NUBP1: variants seen among roughly 807,000 people sequenced by gnomAD.
NUBP1 encodes the protein cytosolic Fe-S cluster assembly factor NUBP1.
In NUBP1, 46 loss-of-function variants were observed where a neutral mutation model predicts 41.8. That is an observed-to-expected ratio of 1.10 (90% CI 0.87 to 1.41). The LOEUF is 1.41. Ranked by LOEUF, NUBP1 falls within the 40% of genes most tolerant of loss-of-function variation. The pLI is 0.00. For missense variants in NUBP1, 494 were observed against 414.0 expected, an observed-to-expected ratio of 1.19 and a Z score of -1.68; for synonymous variants, 189 against 154.6, an observed-to-expected ratio of 1.22 and a Z score of -1.65.
chr16:10,755,721 G>T lies in NUBP1; in HGVS notation c.328G>T (p.Val110Phe), dbSNP rs1323769682. The T allele has an allele frequency of 1.9e-6, 3 of 1,614,160 alleles. No individual in the cohort carries two copies. The highest frequency in any genetic ancestry group is 1.1e-5 in the South Asian group (1 of 91,090). ...AACATCGGTGCTCATGTTCACACAG[G>T]TTCACCAGAGTGGCTCAGGCTGGTC... is the stretch of plus-strand genomic sequence containing the variant. ...PKIMGLEGEQ[V>F]HQSGSGWSPV... The change falls in exon 5 of 11, where the codon GTT becomes TTT. Residue 110 changes from valine (V) to phenylalanine (F), a missense_variant and splice_region_variant. By Grantham distance (50) the Val-to-Phe change is conservative. Transcript: ENST00000283027.
At chr16:10,761,945 G>C (rs2029981199) in intron 9 of NUBP1, 86 bp downstream of exon 9, 2 of 1,033,436 alleles carry the variant, frequency 1.9e-6, no homozygotes, top group Non-Finnish European at 2.9e-6. Flanking sequence ...CGGCTACAGA[G>C]AGGGGCAATG....
chr16:10,744,415 G>C (rs1899967913), intron 2 of NUBP1, among the ~76,000 whole-genome samples: 1 of 152,228 alleles, frequency 6.6e-6, no homozygotes, highest in South Asian at 2.1e-4. Context: ...AACGGGATAA[G>C]CTTCGAAGTC....
chr16:10,765,297 C>A lies in NUBP1; in HGVS notation c.821-2652C>A, dbSNP rs1596475881. Reference sequence around the variant, plus strand: ...CACACACACACAACCATGCTCTAGCCTGGGTAACACAGGAAGATACCTCAT... The same window carrying A: ...CACACACACACAACCATGCTCTAGCATGGGTAACACAGGAAGATACCTCAT... On this transcript the variant is annotated intron_variant, in intron 9 of 10. Coordinates refer to ENST00000283027, the MANE Select transcript of NUBP1 (RefSeq NM_002484.4). This position sits in a 1 kb window ranked among gnomAD's most constrained non-coding sequence, Gnocchi z 4.0. Among the ~76,000 whole-genome samples the A allele has an allele frequency of 6.9e-6, 1 of 144,972 alleles. No individual in the cohort carries two copies. The highest frequency in any genetic ancestry group is 2.0e-4 in the East Asian group (1 of 4,962).
intron 2 of NUBP1, among the ~76,000 whole-genome samples, chr16:10,745,502 A>G (rs556493185): frequency 2.6e-5 from 4 of 152,316 alleles, no homozygotes; most frequent in Non-Finnish European, 4.4e-5. Flanking sequence ...TGTCAATGCA[A>G]TGGAGAGACT....
At position 10,744,019 on chromosome 16, in the gene NUBP1, C is replaced by G. The variant is rs1365780235; in HGVS notation, c.78C>G (p.Pro26=). 2 of 1,579,072 alleles carry G rather than the reference C, an allele frequency of 1.3e-6. No individual in the cohort carries two copies. Among genetic ancestry groups the G allele is most frequent in the Non-Finnish European group, 8.6e-7 (1 of 1,168,474 alleles). Residue 26 remains proline, a synonymous_variant, in exon 2 of 11, where the codon CCC becomes CCG. Coordinates refer to ENST00000283027, the MANE Select transcript of NUBP1 (RefSeq NM_002484.4). ...GAGGGGCTTCATGTCAGGGATGCCC[C>G]AACCAGCGGCTGTGCGCTTCTGGAG... ...AGRGASCQGC[P]NQRLCASGAG... is the part of the protein sequence containing the mutation.
intron 9 of NUBP1, among the ~76,000 whole-genome samples, chr16:10,764,401 G>A (rs1010724362): frequency 3.3e-5 from 5 of 152,022 alleles, no homozygotes; most frequent in Non-Finnish European, 7.4e-5. Context: ...CAGTCTGCTG[G>A]AGTATTTGTC....
chr16:10,762,484 G>A (rs1172133284), intron 9 of NUBP1, among the ~76,000 whole-genome samples: 3 of 152,242 alleles, frequency 2.0e-5, no homozygotes, highest in African/African-American at 4.8e-5. Context: ...CACTCGCCGC[G>A]GGGCGCTGGG....
chr16:10,764,071 G>A (rs1189925337), intron 9 of NUBP1, among the ~76,000 whole-genome samples: 2 of 151,486 alleles, frequency 1.3e-5, no homozygotes, highest in Admixed American at 1.3e-4. Flanking sequence ...TCAGCCCACT[G>A]GAGCATCCCA....
chr16:10,755,191 TA>T (rs1163393678), intron 4 of NUBP1, among the ~76,000 whole-genome samples: 2 of 152,182 alleles, frequency 1.3e-5, no homozygotes, highest in Non-Finnish European at 2.9e-5. Flanking sequence ...TCAAGAAAAT[TA>T]AACTTTCAGT....
At chr16:10,760,996 G>A (rs1020910395) in intron 7 of NUBP1, 1 of 195,760 alleles carries the variant, frequency 5.1e-6, no homozygotes. Context: ...CATGGTGGAA[G>A]GCAAAGCAGG....
chr16:10,751,594 G>C (rs1289990317), intron 3 of NUBP1, among the ~76,000 whole-genome samples: 2 of 152,180 alleles, frequency 1.3e-5, no homozygotes, highest in East Asian at 1.9e-4. Context: ...AGTCATTGCA[G>C]CTTTCAAGAT....
Position 10,767,140 on chromosome 16 carries a change from G to T in NUBP1, c.821-809G>T. 2.5e-6 allele frequency: 1 copy of T among 398,854 alleles called. No homozygotes were observed. 24.7% of individuals were successfully genotyped at this position (398,854 alleles called of 1,614,324 possible). A position where few individuals can be genotyped will look rare whatever the true frequency, so the allele number is the denominator to read the frequency against. On this transcript the variant is annotated intron_variant, in intron 9 of 10. Transcript: ENST00000283027. This position sits in a 1 kb window ranked among gnomAD's most constrained non-coding sequence, Gnocchi z 4.6. ...GGCAGTGCAGTCACTTGCCTGTTTCGCCAGCAGCTCAGGCCTGGGGAGTGG... is the reference window on the plus strand; with the variant it reads ...GGCAGTGCAGTCACTTGCCTGTTTCTCCAGCAGCTCAGGCCTGGGGAGTGG...
At chr16:10,763,896 A>G in intron 9 of NUBP1, 1 of 174,390 alleles carries the variant, frequency 5.7e-6, no homozygotes, top group Non-Finnish European at 1.2e-5. Context: ...CCAAGGGAGC[A>G]TCCCAGCCCT....
Position 10,768,886 on chromosome 16 carries a change from G to C in NUBP1, c.905-161G>C. On this transcript the variant is annotated intron_variant, in intron 10 of 10. Coordinates refer to ENST00000283027, the MANE Select transcript of NUBP1 (RefSeq NM_002484.4). This position sits in a 1 kb window ranked among gnomAD's most constrained non-coding sequence, Gnocchi z 4.3. ...CAAGATGGGTAGTGTGAGGTATTCC[G>C]GTCACTTTCAAAGACTCAGGGCATC... 1 of 620,000 alleles carries C rather than the reference G, an allele frequency of 1.6e-6. No individual in the cohort carries two copies. Among genetic ancestry groups the C allele is most frequent in the Non-Finnish European group, 2.9e-6 (1 of 347,014 alleles). The allele number at this position is 620,000 out of a possible 1,614,324, so 38.4% of individuals were successfully genotyped here.
At chr16:10,761,320 C>G in intron 7 of NUBP1, 44 bp from the exon 8 acceptor site, 1 of 1,574,282 alleles carries the variant, frequency 6.4e-7, no homozygotes, top group Non-Finnish European at 8.7e-7. Flanking sequence ...CATTCCCTTT[C>G]TCGCACTTTG....
chr16:10,767,275 C>T lies in NUBP1; in HGVS notation c.821-674C>T. 2.5e-6 allele frequency: 1 copy of T among 399,052 alleles called. No homozygotes were observed. The allele number at this position is 399,052 out of a possible 1,614,324, so 24.7% of individuals were successfully genotyped here. ...CCCCTTGTGTCCTGTCCACCTGGCT[C>T]TGGGATAACATGGTCCTAGAGAAAC... On this transcript the variant is annotated intron_variant, in intron 9 of 10. Transcript: ENST00000283027. The surrounding 1 kb of genome is among the most constrained non-coding windows in gnomAD (Gnocchi z 4.6).
In NUBP1 at chr16:10,749,849, A is replaced by G. The variant is rs1900234554; in HGVS notation, c.258+2573A>G. On this transcript the variant is annotated intron_variant, in intron 3 of 10. Transcript: ENST00000283027. The surrounding 1 kb of genome is among the most constrained non-coding windows in gnomAD (Gnocchi z 4.1). ...CCTTGGATCAAGAGAGAGCAGAATT[A>G]GAAAACACCCCTGACGAGTCACAGG... Among the ~76,000 whole-genome samples, 1 of 152,232 alleles carries G rather than the reference A, an allele frequency of 6.6e-6. No individual in the cohort carries two copies. Among genetic ancestry groups the G allele is most frequent in the African/African-American group, 2.4e-5 (1 of 41,460 alleles).
Position 10,757,817 on chromosome 16 carries a change from T to G in NUBP1, c.452-56T>G. On this transcript the variant is annotated intron_variant, in intron 6 of 10. Coordinates refer to ENST00000283027, the MANE Select transcript of NUBP1 (RefSeq NM_002484.4). The surrounding 1 kb of genome is among the most constrained non-coding windows in gnomAD (Gnocchi z 4.1). Reference sequence around the variant, plus strand: ...ATCCTTTAAAAAAAAAAGAGGGAGTTGAAAGTACAGAAAAGAAAGGAAAAG... The same window carrying G: ...ATCCTTTAAAAAAAAAAGAGGGAGTGGAAAGTACAGAAAAGAAAGGAAAAG... The G allele has an allele frequency of 3.8e-6, 6 of 1,570,830 alleles. No homozygotes were observed. The highest frequency in any genetic ancestry group is 1.7e-4 in the Middle Eastern group (1 of 5,868).
In NUBP1 at chr16:10,766,484, T is replaced by C. The variant is rs570414220; in HGVS notation, c.821-1465T>C. Among the ~76,000 whole-genome samples the C allele has an allele frequency of 3.4e-3, 520 of 152,138 alleles. 1 individual carries two copies. Among genetic ancestry groups the C allele is most frequent in the Non-Finnish European group, 5.8e-3 (397 of 67,986 alleles). On this transcript the variant is annotated intron_variant, in intron 9 of 10. Coordinates refer to ENST00000283027, the MANE Select transcript of NUBP1 (RefSeq NM_002484.4). The surrounding 1 kb of genome is among the most constrained non-coding windows in gnomAD (Gnocchi z 4.8). ...GCCCTCTGGGGAAGGGAGACCTGGGTGAAAGTCAGGGACAGAAAGTAGCCC... is the reference window on the plus strand; with the variant it reads ...GCCCTCTGGGGAAGGGAGACCTGGGCGAAAGTCAGGGACAGAAAGTAGCCC...
Sources: allele counts gnomAD v4.1 joint callset (sites outside exome capture counted in the v4.1 genomes callset), GRCh38; gene constraint gnomAD v4.1.1; non-coding constraint Gnocchi (gnomAD v3.1); transcripts MANE v1.5; gene names NCBI Gene and HGNC (gene_info 2026-07-23, HGNC 2026-07-21).